SUPT3H: variants seen among roughly 807,000 people sequenced by gnomAD.
SUPT3H encodes the protein SPT3 homolog, SAGA and STAGA complex component.
In SUPT3H, 44 loss-of-function variants were observed where a neutral mutation model predicts 44.3. The ratio of observed to expected loss-of-function variants is 0.99; its 90% CI spans 0.78 to 1.28. The LOEUF is 1.28. Ranked by LOEUF, SUPT3H falls within the 50% of genes most tolerant of loss-of-function variation. SUPT3H has a pLI of 0.00. For synonymous variants in SUPT3H, 124 were observed against 125.6 expected (o/e 0.99, Z 0.09); for missense variants, 380 against 387.1 (o/e 0.98, Z 0.15).
intron 2 of SUPT3H, among the ~76,000 whole-genome samples, chr6:45,274,981 T>C (rs1048500332): frequency 2.6e-5 from 4 of 152,202 alleles, no homozygotes; most frequent in Admixed American, 2.6e-4. Flanking sequence ...ATGAGGCATA[T>C]TATATTAATT....
At chr6:45,236,364 C>T (rs1157375905) in intron 2 of SUPT3H, among the ~76,000 whole-genome samples, 2 of 152,076 alleles carry the variant, frequency 1.3e-5, no homozygotes, top group Admixed American at 1.3e-4. Context: ...AAAAGGGGAG[C>T]TCAGAAGCAT....
intron 2 of SUPT3H, among the ~76,000 whole-genome samples, chr6:45,269,621 A>C (rs1775795799): frequency 6.6e-6 from 1 of 152,232 alleles, no homozygotes; most frequent in Admixed American, 6.5e-5. Context: ...ACAGTCTGAC[A>C]GGTAAACAAC....
At chr6:45,307,381 C>G (rs999424269) in intron 2 of SUPT3H, among the ~76,000 whole-genome samples, 1 of 152,208 alleles carries the variant, frequency 6.6e-6, no homozygotes. Context: ...TAGGGGCAGA[C>G]TGACACCTCA....
intron 2 of SUPT3H, among the ~76,000 whole-genome samples, chr6:45,313,201 C>G (rs185970706): frequency 6.6e-6 from 1 of 152,070 alleles, no homozygotes; most frequent in Admixed American, 6.5e-5. Flanking sequence ...AGAGCACAAA[C>G]AGACAATCTA....
intron 3 of SUPT3H, among the ~76,000 whole-genome samples, chr6:45,021,446 A>C (rs1785121504): frequency 6.6e-6 from 1 of 151,974 alleles, no homozygotes; most frequent in Admixed American, 6.6e-5. Flanking sequence ...ATTAGTTGGA[A>C]GCAACATAAA....
At chr6:45,053,021 A>T (rs1790545956) in intron 3 of SUPT3H, among the ~76,000 whole-genome samples, 1 of 151,980 alleles carries the variant, frequency 6.6e-6, no homozygotes, top group Non-Finnish European at 1.5e-5. Context: ...AGAGTTGAGA[A>T]TAATTTCTTG....
chr6:45,261,156 C>T (rs1019292251), intron 2 of SUPT3H, among the ~76,000 whole-genome samples: 1 of 152,016 alleles, frequency 6.6e-6, no homozygotes, highest in Non-Finnish European at 1.5e-5. Flanking sequence ...GAGCTAGTAC[C>T]AATCCTAGTG....
chr6:44,810,907 C>CAAA (rs397778032), intron 11 of SUPT3H, among the ~76,000 whole-genome samples: 4 of 141,822 alleles, frequency 2.8e-5, no homozygotes, highest in African/African-American at 1.1e-4. Flanking sequence ...GACTCCATCT[C>CAAA]AAAAAAAAAA....
intron 6 of SUPT3H, among the ~76,000 whole-genome samples, chr6:44,991,685 A>G (rs147313964): frequency 4.7e-4 from 72 of 152,256 alleles, no homozygotes; most frequent in Non-Finnish European, 9.0e-4. Context: ...ATCGAATTAC[A>G]TTAAACAGCT....
intron 10 of SUPT3H, among the ~76,000 whole-genome samples, chr6:44,899,670 G>A (rs943402581): frequency 3.3e-5 from 5 of 152,172 alleles, no homozygotes; most frequent in African/African-American, 1.2e-4. Flanking sequence ...CTGGGCAACA[G>A]AGTGAGACTC....
chr6:44,998,039 A>G (rs1446950464), intron 6 of SUPT3H, among the ~76,000 whole-genome samples: 1 of 151,908 alleles, frequency 6.6e-6, no homozygotes, highest in Non-Finnish European at 1.5e-5. Flanking sequence ...AAAATTGCTA[A>G]TACTTTAAGA....
At chr6:45,223,693 C>T (rs1174756969) in intron 2 of SUPT3H, among the ~76,000 whole-genome samples, 1 of 151,696 alleles carries the variant, frequency 6.6e-6, no homozygotes, top group African/African-American at 2.4e-5. Flanking sequence ...CTAGCAAATT[C>T]TGAATGAGTA....
chr6:45,114,565 A>G (rs558384169), intron 2 of SUPT3H, among the ~76,000 whole-genome samples: 26 of 152,300 alleles, frequency 1.7e-4, no homozygotes, highest in African/African-American at 6.3e-4. Flanking sequence ...GAAAGCTCAT[A>G]AAATAAAACT....
At chr6:45,272,320 G>A (rs926877495) in intron 2 of SUPT3H, among the ~76,000 whole-genome samples, 30 of 152,094 alleles carry the variant, frequency 2.0e-4, no homozygotes, top group African/African-American at 6.0e-4. Context: ...AGGGACAAGT[G>A]GGAGGTGACT....
At chr6:45,045,329 C>T (rs1404061993) in intron 3 of SUPT3H, among the ~76,000 whole-genome samples, 1 of 152,180 alleles carries the variant, frequency 6.6e-6, no homozygotes, top group African/African-American at 2.4e-5. Context: ...GGGGAACACA[C>T]TGTCCTTCAA....
At position 45,339,362 on chromosome 6, in the gene SUPT3H, G is replaced by A. The variant is rs1278006129; in HGVS notation, c.101+25839C>T. ...CCCTAGATAAATTAGCCAAGATTGTGAGCCAATAGATAGCCAACTTTTAAT... is the reference window on the plus strand; with the variant it reads ...CCCTAGATAAATTAGCCAAGATTGTAAGCCAATAGATAGCCAACTTTTAAT... On this transcript the variant is annotated intron_variant, in intron 2 of 10. Coordinates refer to ENST00000371459, the MANE Select transcript of SUPT3H (RefSeq NM_003599.4). Among the ~76,000 whole-genome samples, 4 of 152,120 alleles carry A rather than the reference G, an allele frequency of 2.6e-5. No homozygotes were observed. In the East Asian group the frequency reaches 7.7e-4, roughly 29 times the overall value.
intron 2 of SUPT3H, among the ~76,000 whole-genome samples, chr6:45,286,956 G>A (rs1779401925): frequency 6.6e-6 from 1 of 152,094 alleles, no homozygotes; most frequent in Non-Finnish European, 1.5e-5. Context: ...CATGGATGAA[G>A]CTGGAAACCA....
chr6:45,160,823 T>C (rs772167098), intron 2 of SUPT3H, among the ~76,000 whole-genome samples: 18 of 152,126 alleles, frequency 1.2e-4, no homozygotes, highest in African/African-American at 4.1e-4. Context: ...TCTCCCCCTA[T>C]AAAATCCTTT....
At chr6:45,131,381 A>G (rs910396552) in intron 2 of SUPT3H, among the ~76,000 whole-genome samples, 6 of 152,168 alleles carry the variant, frequency 3.9e-5, no homozygotes, top group Non-Finnish European at 8.8e-5. Context: ...CATCTTATCC[A>G]GGATACGGCA....
Sources: gnomAD v4.1 joint callset for allele counts (sites outside exome capture counted in the v4.1 genomes callset) on GRCh38, gnomAD v4.1.1 for gene constraint, MANE v1.5 for transcripts, NCBI Gene and HGNC (gene_info 2026-07-23, HGNC 2026-07-21) for gene names.